Variants in ERGIC1 observed in about 807,000 individuals in gnomAD.
The protein encoded by ERGIC1 is endoplasmic reticulum-Golgi intermediate compartment protein 1.
A neutral mutation model predicts 38.3 loss-of-function variants in ERGIC1; 19 were observed. That is an observed-to-expected ratio of 0.50 (90% CI 0.35 to 0.73). The LOEUF (loss-of-function observed/expected upper bound fraction) is 0.73, where lower values mean the gene tolerates loss of function less well. Among genes scored for constraint, ERGIC1 ranks in the 30% least tolerant of loss-of-function variants. The pLI, the probability that ERGIC1 is intolerant of heterozygous loss-of-function variation, is 0.01. For synonymous variants in ERGIC1, 124 were observed against 157.6 expected (o/e 0.79, Z 1.60); for missense variants, 294 against 389.2 (o/e 0.76, Z 2.06).
chr5:172,937,470 A>T (rs1302888582), intron 9 of ERGIC1: 1 of 152,298 alleles, frequency 6.6e-6, no homozygotes, highest in African/African-American at 2.4e-5. Flanking sequence ...GTTTGAAACC[A>T]GCCTGGTCAC....
chr5:172,913,428 C>T (rs1763260173), intron 4 of ERGIC1, among the ~76,000 whole-genome samples: 1 of 152,270 alleles, frequency 6.6e-6, no homozygotes, highest in Non-Finnish European at 1.5e-5. Flanking sequence ...TTTCTCTAAA[C>T]TTCACATTAT....
At chr5:172,949,856 G>A in intron 9 of ERGIC1, among the ~76,000 whole-genome samples, 1 of 152,182 alleles carries the variant, frequency 6.6e-6, no homozygotes, top group African/African-American at 2.4e-5. Flanking sequence ...ACGAGGTCAG[G>A]AGATCAAGAC....
chr5:172,871,710 G>A (rs890273822), intron 1 of ERGIC1, among the ~76,000 whole-genome samples: 1 of 152,196 alleles, frequency 6.6e-6, no homozygotes, highest in Non-Finnish European at 1.5e-5. Flanking sequence ...CAGACAGATG[G>A]CACCAAGCTG....
chr5:172,849,286 C>G (rs1761347519), intron 1 of ERGIC1, among the ~76,000 whole-genome samples: 1 of 152,112 alleles, frequency 6.6e-6, no homozygotes, highest in South Asian at 2.1e-4. Flanking sequence ...AGCAAACTGG[C>G]CAGTTTCCCT....
At chr5:172,869,510 C>A (rs766349163) in intron 1 of ERGIC1, among the ~76,000 whole-genome samples, 8 of 152,138 alleles carry the variant, frequency 5.3e-5, no homozygotes, top group Non-Finnish European at 1.0e-4. Context: ...CGGCTGGGCT[C>A]AGGTCCCTCA....
At chr5:172,947,911 TG>T (rs1320515651) in intron 9 of ERGIC1, among the ~76,000 whole-genome samples, 5 of 144,442 alleles carry the variant, frequency 3.5e-5, no homozygotes, top group South Asian at 2.2e-4. Context: ...TGTGTGTGTG[TG>T]GTTATTTTTT....
At chr5:172,941,159 C>T (rs1433303101) in intron 9 of ERGIC1, among the ~76,000 whole-genome samples, 3 of 151,958 alleles carry the variant, frequency 2.0e-5, no homozygotes, top group African/African-American at 7.3e-5. Flanking sequence ...GTAGTCCCAG[C>T]TACTGTGGAG....
chr5:172,872,887 T>C (rs910483132), intron 1 of ERGIC1, among the ~76,000 whole-genome samples: 2 of 152,032 alleles, frequency 1.3e-5, no homozygotes, highest in African/African-American at 2.4e-5. Flanking sequence ...GCTGAATCAA[T>C]TGGGCAGGTG....
intron 1 of ERGIC1, among the ~76,000 whole-genome samples, chr5:172,839,585 A>T (rs1016849052): frequency 3.3e-5 from 5 of 152,214 alleles, no homozygotes; most frequent in African/African-American, 9.6e-5. Flanking sequence ...ACACATACAC[A>T]CACACACACA....
chr5:172,890,741 C>A (rs528388329), intron 2 of ERGIC1, among the ~76,000 whole-genome samples: 44 of 152,346 alleles, frequency 2.9e-4, no homozygotes, highest in African/African-American at 9.9e-4. Context: ...CACAAGCCCC[C>A]CTAGTGCCTG....
chr5:172,876,728 C>T lies in ERGIC1; in HGVS notation c.21-11971C>T, dbSNP rs554857950. Among the ~76,000 whole-genome samples, 12 of 152,334 alleles carry T rather than the reference C, an allele frequency of 7.9e-5. 1 individual carries two copies. In the South Asian group the frequency reaches 1.9e-3, roughly 24 times the overall value. The stretch of plus-strand genomic sequence containing the variant: ...ACCACACCCCAAAGCTTGCTCCTCC[C>T]TGTCCTTTCCGCTCTCCCTGGGCAG... On this transcript the variant is annotated intron_variant, in intron 1 of 9. Transcript: ENST00000393784.
intron 3 of ERGIC1, among the ~76,000 whole-genome samples, chr5:172,899,213 C>T (rs1479714383): frequency 6.6e-6 from 1 of 151,772 alleles, no homozygotes; most frequent in East Asian, 1.9e-4. Context: ...GCCAATCAGC[C>T]AGGTCAAAGT....
intron 1 of ERGIC1, among the ~76,000 whole-genome samples, chr5:172,839,422 G>A (rs1469953892): frequency 1.3e-5 from 2 of 151,534 alleles, no homozygotes; most frequent in Admixed American, 1.3e-4. Context: ...AAAATGGCCA[G>A]GTGTGGTGAT....
chr5:172,909,694 A>G lies in ERGIC1; in HGVS notation c.183A>G (p.Pro61=). The G allele has an allele frequency of 1.9e-6, 3 of 1,614,230 alleles. No individual in the cohort carries two copies. The highest frequency in any genetic ancestry group is 1.6e-4 in the Middle Eastern group (1 of 6,062). Residue 61 remains proline (P), a synonymous_variant, in exon 4 of 10, where the codon CCA becomes CCG. Coordinates refer to ENST00000393784, the MANE Select transcript of ERGIC1 (RefSeq NM_001031711.3). ...TGAACGAGCTCTATGTCGATGACCCAGACAAGGACAGCGGTGGCAAGATCG... is the reference window on the plus strand; with the variant it reads ...TGAACGAGCTCTATGTCGATGACCCGGACAAGGACAGCGGTGGCAAGATCG... ...EVVNELYVDD[P]DKDSGGKIDV...
intron 3 of ERGIC1, among the ~76,000 whole-genome samples, chr5:172,900,191 C>G (rs894503840): frequency 1.6e-4 from 24 of 152,108 alleles, no homozygotes; most frequent in African/African-American, 3.1e-4. Flanking sequence ...AGGTGGGGCC[C>G]CACCCGCAGA....
chr5:172,947,726 C>T (rs375410714), intron 9 of ERGIC1, among the ~76,000 whole-genome samples: 12 of 152,176 alleles, frequency 7.9e-5, no homozygotes, highest in African/African-American at 2.9e-4. Flanking sequence ...TCCCCTCAGG[C>T]GATGTGCTTT....
intron 1 of ERGIC1, among the ~76,000 whole-genome samples, chr5:172,847,043 T>C (rs1456022172): frequency 2.0e-5 from 3 of 152,188 alleles, no homozygotes; most frequent in Non-Finnish European, 2.9e-5. Flanking sequence ...CACACGTTTA[T>C]TTTTTGCTCA....
intron 1 of ERGIC1, among the ~76,000 whole-genome samples, chr5:172,871,122 C>T (rs1453347554): frequency 2.0e-5 from 3 of 152,206 alleles, no homozygotes; most frequent in Non-Finnish European, 4.4e-5. Flanking sequence ...CGCATGTGCC[C>T]GGTAGTAACA....
At chr5:172,928,817 C>G (rs1763713914) in intron 7 of ERGIC1, among the ~76,000 whole-genome samples, 1 of 152,198 alleles carries the variant, frequency 6.6e-6, no homozygotes, top group Non-Finnish European at 1.5e-5. Context: ...TCATTTAACT[C>G]TGCTAAGCCT....
Sources: gnomAD v4.1 joint callset for allele counts (sites outside exome capture counted in the v4.1 genomes callset) on GRCh38, gnomAD v4.1.1 for gene constraint, MANE v1.5 for transcripts, NCBI Gene and HGNC (gene_info 2026-07-23, HGNC 2026-07-21) for gene names.